FAM13B: variants seen among roughly 807,000 people sequenced by gnomAD.
FAM13B encodes family with sequence similarity 13 member B, also known as protein FAM13B.
A neutral mutation model predicts 117.3 loss-of-function variants in FAM13B; 60 were observed. The ratio of observed to expected loss-of-function variants is 0.51; its 90% CI spans 0.42 to 0.63. FAM13B has a LOEUF of 0.63. Ranked by LOEUF, FAM13B falls within the 30% of genes least tolerant of loss-of-function variation. The pLI, the probability that FAM13B is intolerant of heterozygous loss-of-function variation, is 0.00. For synonymous variants in FAM13B, 332 were observed against 356.1 expected, an observed-to-expected ratio of 0.93 and a Z score of 0.76; for missense variants, 972 against 1,091.9, an observed-to-expected ratio of 0.89 and a Z score of 1.55.
chr5:138,010,840 G>A (rs1011453637), intron 6 of FAM13B, among the ~76,000 whole-genome samples, 168 bp downstream of exon 6: 1 of 148,928 alleles, frequency 6.7e-6, no homozygotes, highest in Non-Finnish European at 1.5e-5. Context: ...TGTTGTTCAG[G>A]AAAAAAATCA....
chr5:137,946,457 C>A (rs1212998808), intron 18 of FAM13B, 146 bp from the exon 19 acceptor site: 3 of 567,230 alleles, frequency 5.3e-6, no homozygotes, highest in Non-Finnish European at 8.9e-6. Flanking sequence ...TAGCCCAGGC[C>A]TTTGCTTGCA....
Position 138,019,162 on chromosome 5 carries a change from C to CA in FAM13B, c.-35-17dup, listed in dbSNP as rs57706343. On this transcript the variant is annotated splice_polypyrimidine_tract_variant and intron_variant, in intron 2 of 23. Coordinates refer to ENST00000689681, the MANE Select transcript of FAM13B (RefSeq NM_001385994.1). The stretch of plus-strand genomic sequence containing the variant: ...GCTGTCTTTTCTGCCAAATGAAAGA[C>CA]AAAAAAAAAAGACTATAATGATTAA... The CA allele has an allele frequency of 0.19, 283,748 of 1,492,546 alleles. 10,438 individuals are homozygous for CA. The highest frequency in any genetic ancestry group is 0.27 in the African/African-American group (18,742 of 70,590). The allele number at this position is 1,492,546 out of a possible 1,614,324, so 92.5% of individuals were successfully genotyped here. A position where few individuals can be genotyped will look rare whatever the true frequency, so the allele number is the denominator to read the frequency against.
chr5:137,987,724 A>G, intron 8 of FAM13B, 108 bp from the exon 9 acceptor site: 11 of 983,922 alleles, frequency 1.1e-5, no homozygotes, highest in Non-Finnish European at 1.6e-5. Flanking sequence ...TGGTACTTAA[A>G]TGGGTAAACC....
chr5:137,955,352 G>A (rs1766203060), intron 14 of FAM13B, among the ~76,000 whole-genome samples: 4 of 151,976 alleles, frequency 2.6e-5, no homozygotes, highest in Admixed American at 2.6e-4. Context: ...TCTGCTACAG[G>A]ATTCCTATGT....
chr5:137,946,074 G>A (rs146367502), intron 19 of FAM13B, 77 bp from the exon 20 acceptor site: 34 of 1,352,128 alleles, frequency 2.5e-5, no homozygotes, highest in Admixed American at 1.8e-4. Flanking sequence ...TGACTTATTC[G>A]CCCAATTTCA....
intron 6 of FAM13B, among the ~76,000 whole-genome samples, chr5:138,009,948 C>A (rs1783557169): frequency 6.6e-6 from 1 of 151,862 alleles, no homozygotes; most frequent in African/African-American, 2.4e-5. Flanking sequence ...CAGTTCACAC[C>A]TTTTTGGTAC....
At chr5:137,986,677 T>G (rs1777326249) in intron 9 of FAM13B, among the ~76,000 whole-genome samples, 1 of 152,248 alleles carries the variant, frequency 6.6e-6, no homozygotes, top group Admixed American at 6.5e-5. Context: ...CAGAAGTGTT[T>G]CAGATTTGTT....
chr5:138,018,860 C>A, intron 3 of FAM13B, 95 bp downstream of exon 3: 2 of 999,026 alleles, frequency 2.0e-6, no homozygotes, highest in Non-Finnish European at 1.5e-6. Context: ...TTGGACTTTC[C>A]ATATTAAAAA....
intron 2 of FAM13B, among the ~76,000 whole-genome samples, chr5:138,019,536 T>C (rs1786106570): frequency 6.6e-6 from 1 of 152,210 alleles, no homozygotes; most frequent in South Asian, 2.1e-4. Context: ...CATATAAAGC[T>C]CATCTAACCC....
intron 10 of FAM13B, among the ~76,000 whole-genome samples, chr5:137,973,650 C>T (rs1243260049): frequency 1.3e-5 from 2 of 152,068 alleles, no homozygotes; most frequent in South Asian, 2.1e-4. Flanking sequence ...AAGAAACTAC[C>T]ATCAGAGTGA....
upstream of FAM13B, chr5:138,036,232 C>T (rs1371829587): frequency 5.6e-6 from 2 of 357,160 alleles, no homozygotes; most frequent in African/African-American, 2.1e-5. Context: ...TAAATTACAA[C>T]GACTGCTTCC....
In FAM13B at chr5:137,940,089, G is replaced by A. The variant is rs1228036808; in HGVS notation, c.*136C>T. 8 of 1,613,982 alleles carry A rather than the reference G, an allele frequency of 5.0e-6. No individual in the cohort carries two copies. Among genetic ancestry groups the A allele is most frequent in the African/African-American group, 1.3e-5 (1 of 74,918 alleles). ...ACTCTCCCATCATTTGTTTTGTTTAGTGGCACCACAACCAAGTACAAAATG... is the reference window on the plus strand; with the variant it reads ...ACTCTCCCATCATTTGTTTTGTTTAATGGCACCACAACCAAGTACAAAATG... On this transcript the variant is annotated 3_prime_UTR_variant, in exon 24 of 24. Coordinates refer to ENST00000689681, the MANE Select transcript of FAM13B (RefSeq NM_001385994.1).
At chr5:137,942,822 G>C in intron 22 of FAM13B, 53 bp downstream of exon 22, 1 of 1,486,442 alleles carries the variant, frequency 6.7e-7, no homozygotes. Context: ...AAATTTCTTG[G>C]CATATACATT....
At chr5:138,017,727 T>C (rs1188841172) in intron 4 of FAM13B, among the ~76,000 whole-genome samples, 5 of 152,202 alleles carry the variant, frequency 3.3e-5, no homozygotes, top group Non-Finnish European at 7.3e-5. Flanking sequence ...AAGCACTACT[T>C]TTTAGTCACC....
intron 7 of FAM13B, among the ~76,000 whole-genome samples, chr5:137,992,518 C>T (rs1358948158): frequency 2.6e-5 from 4 of 151,818 alleles, no homozygotes; most frequent in African/African-American, 7.3e-5. Flanking sequence ...CACTTGAACC[C>T]GGGAGGAAGA....
At chr5:137,982,009 CCTGA>C (rs917584276) in intron 10 of FAM13B, among the ~76,000 whole-genome samples, 4 of 152,278 alleles carry the variant, frequency 2.6e-5, no homozygotes, top group Middle Eastern at 3.4e-3. Context: ...CTGTCTCAAT[CCTGA>C]CTATCACAGC....
rs1399730113 is a variant in FAM13B at position 137,960,245 on chromosome 5, T to C, written c.1245-31A>G. ...AATACAAGTAAAGTTGTTAGTATAT[T>C]AAGAATAAAAAGGCTACTATCATTA... is the stretch of plus-strand genomic sequence containing the variant. On this transcript the variant is annotated intron_variant, in intron 11 of 23. Transcript: ENST00000689681. The C allele has an allele frequency of 1.5e-6, 2 of 1,315,220 alleles. 1 individual carries two copies. The highest frequency in any genetic ancestry group is 4.2e-5 in the Admixed American group (2 of 47,468). 81.5% of individuals were successfully genotyped at this position (1,315,220 alleles called of 1,614,324 possible).
intron 10 of FAM13B, among the ~76,000 whole-genome samples, chr5:137,983,635 A>T (rs1013741673): frequency 1.3e-5 from 2 of 152,206 alleles, no homozygotes; most frequent in Admixed American, 6.5e-5. Flanking sequence ...CAACTATAGA[A>T]GCAATAACTG....
intron 10 of FAM13B, among the ~76,000 whole-genome samples, chr5:137,965,037 C>A (rs1769268987): frequency 6.6e-6 from 1 of 151,976 alleles, no homozygotes; most frequent in Non-Finnish European, 1.5e-5. Flanking sequence ...CAGTAGTGTG[C>A]GCCTGTAATC....
Sources: allele counts gnomAD v4.1 joint callset (sites outside exome capture counted in the v4.1 genomes callset), GRCh38; gene constraint gnomAD v4.1.1; transcripts MANE v1.5; gene names NCBI Gene and HGNC (gene_info 2026-07-23, HGNC 2026-07-21).